The following PRAMEF19 variants were observed in gnomAD, a reference collection of about 807,000 sequenced individuals.
PRAMEF19 encodes the protein PRAME family member 19, also known as PRAME family member-like.
Under a neutral mutation model 33.1 loss-of-function variants are expected in PRAMEF19, and 21 were observed. That is an observed-to-expected ratio of 0.63 (90% CI 0.45 to 0.91). The LOEUF is 0.91. Ranked by LOEUF, PRAMEF19 falls within the 40% of genes least tolerant of loss-of-function variation. PRAMEF19 has a pLI of 0.00. For missense variants in PRAMEF19, 481 were observed against 585.2 expected (o/e 0.82, Z 1.84); for synonymous variants, 179 against 229.3 (o/e 0.78, Z 1.98).
exon 3 of PRAMEF19, chr1:13,369,443 A>G (rs1233042718): frequency 8.7e-5 from 140 of 1,613,716 alleles, no homozygotes; most frequent in Non-Finnish European, 1.1e-4. Context: ...GTCCACTAAG[A>G]AGAGGGTCTG....
At chr1:13,371,546 T>C in intron 1 of PRAMEF19, 68 bp downstream of exon 1, 9 of 1,608,380 alleles carry the variant, frequency 5.6e-6, no homozygotes, top group Non-Finnish European at 7.6e-6. Flanking sequence ...CACCCCAGGT[T>C]CCCAATTTGT....
At chr1:13,370,738 G>A in exon 2 of PRAMEF19, 2 of 1,613,938 alleles carry the variant, frequency 1.2e-6, no homozygotes, top group Admixed American at 1.7e-5. Flanking sequence ...ACACAGAGCT[G>A]AATTCAGCAA....
intron 2 of PRAMEF19, among the ~76,000 whole-genome samples, chr1:13,370,440 G>A (rs2884674): frequency 1.4e-5 from 2 of 141,938 alleles, no homozygotes; most frequent in African/African-American, 5.3e-5. Flanking sequence ...TCTCTGTAGC[G>A]TCTATGCCAG....
downstream of PRAMEF19, among the ~76,000 whole-genome samples, chr1:13,368,434 A>C (rs1640626381): frequency 6.6e-6 from 1 of 152,160 alleles, no homozygotes; most frequent in African/African-American, 2.4e-5. Flanking sequence ...ACAACAACAA[A>C]ATGAAGTTTA....
At chr1:13,369,041 A>G (rs1421356121), downstream of PRAMEF19, 12 of 1,611,942 alleles carry the variant, frequency 7.4e-6, no homozygotes, top group African/African-American at 1.6e-4. Context: ...GTGCCTGGAG[A>G]AAAAGCTTTT....
chr1:13,369,555 T>C (rs764874887), exon 3 of PRAMEF19: 16 of 1,613,932 alleles, frequency 9.9e-6, no homozygotes, highest in Non-Finnish European at 1.4e-5. Context: ...TGACTGAGAC[T>C]TGGGTACCAG....
intron 1 of PRAMEF19, 37 bp from the exon 2 acceptor site, chr1:13,371,264 C>A: frequency 1.2e-6 from 2 of 1,611,928 alleles, no homozygotes; most frequent in Non-Finnish European, 1.7e-6. Flanking sequence ...AGAACGTAGA[C>A]AAGGACCCAC....
chr1:13,371,511 C>G lies in PRAMEF19; in HGVS notation c.287+103G>C, dbSNP rs1318355664. 63 of 1,558,356 alleles carry G rather than the reference C, an allele frequency of 4.0e-5. 1 individual carries two copies. The highest frequency in any genetic ancestry group is 4.7e-4 in the Middle Eastern group (2 of 4,252). On this transcript the variant is annotated intron_variant, in intron 1 of 2. Coordinates refer to ENST00000376101, the Ensembl canonical transcript of PRAMEF19. ...GCCAAGAACGTTCCCAGCTTTCTCA[C>G]TGGCACCATCAGAAGCCCCTGGGCC...
rs1168403845 is a variant in PRAMEF19 at position 13,371,753 on chromosome 1, C to T, written c.148G>A (p.Glu50Lys). The T allele has an allele frequency of 4.9e-4, 785 of 1,610,042 alleles. 6 individuals carry two copies. Among genetic ancestry groups the T allele is most frequent in the Non-Finnish European group, 9.2e-5 (108 of 1,179,346 alleles). The stretch of plus-strand genomic sequence containing the variant: ...GCCTGCACCATCACCTTCAGAACCT[C>T]GCAGCATCTGCTAGTGAAGGCCTCC... Residue 50 changes from glutamate to lysine, a missense_variant, in exon 1 of 3, where the codon GAG becomes AAG. Around this residue, in one of 3 missense-constraint regions of PRAMEF19, gnomAD observed 77 missense variants for 116.4 expected, o/e 0.66. Coordinates refer to ENST00000376101, the Ensembl canonical transcript of PRAMEF19.
exon 2 of PRAMEF19, chr1:13,371,070 C>A: frequency 6.2e-7 from 1 of 1,612,140 alleles, no homozygotes. Flanking sequence ...TCCATGAACA[C>A]CTTCAAGGGC....
intron 2 of PRAMEF19, among the ~76,000 whole-genome samples, chr1:13,370,211 G>C (rs1346252198): frequency 6.6e-6 from 1 of 152,270 alleles, no homozygotes; most frequent in African/African-American, 2.4e-5. Context: ...TCTGTGAAAC[G>C]CACAGGTTTG....
At chr1:13,370,923 T>G in exon 2 of PRAMEF19, 1 of 1,613,908 alleles carries the variant, frequency 6.2e-7, no homozygotes, top group Non-Finnish European at 8.5e-7. Context: ...GTTTCTAATA[T>G]GTTTCTGAAA....
chr1:13,370,953 A>G (rs1640664225), exon 2 of PRAMEF19: 1 of 1,613,088 alleles, frequency 6.2e-7, no homozygotes. Context: ...TTCATTGAAT[A>G]ATTTACCACC....
At chr1:13,369,270 G>A in exon 3 of PRAMEF19, 1 of 1,612,050 alleles carries the variant, frequency 6.2e-7, no homozygotes, top group Non-Finnish European at 8.5e-7. Context: ...CGAGGGGCAG[G>A]ATATGTTTCC....
intron 2 of PRAMEF19, 64 bp from the exon 3 acceptor site, chr1:13,369,704 ACGTCAAGGGAAGAG>A (rs1640648577): frequency 6.2e-7 from 1 of 1,605,024 alleles, no homozygotes; most frequent in African/African-American, 1.3e-5. Context: ...GTAGAAAATA[ACGTCAAGGGAAGAG>A]CCTGTTTTGC....
chr1:13,369,536 T>A, exon 3 of PRAMEF19: 1 of 1,613,952 alleles, frequency 6.2e-7, no homozygotes. Flanking sequence ...CAGATTCAGC[T>A]GCTTCAGTTG....
At chr1:13,371,445 C>T (rs1200536575) in intron 1 of PRAMEF19, among the ~76,000 whole-genome samples, 169 bp downstream of exon 1, 1 of 151,154 alleles carries the variant, frequency 6.6e-6, no homozygotes, top group East Asian at 2.0e-4. Context: ...TCAGTGGACC[C>T]TGTATGGTGA....
chr1:13,368,822 T>C (rs1640631783), downstream of PRAMEF19, among the ~76,000 whole-genome samples: 1 of 152,186 alleles, frequency 6.6e-6, no homozygotes, highest in South Asian at 2.1e-4. Context: ...CCCTTTATAA[T>C]ACACCTATAG....
Position 13,369,641 on chromosome 1 carries a change from C to CT in PRAMEF19, c.867-2dup, listed in dbSNP as rs1640647561. 1 of 1,613,728 alleles carries CT rather than the reference C, an allele frequency of 6.2e-7. No individual in the cohort carries two copies. Among genetic ancestry groups the CT allele is most frequent in the Non-Finnish European group, 8.5e-7 (1 of 1,179,858 alleles). ...TGTCTCCAACGGGCTCTTGAGGCAC[C>CT]TGGGGAGAGCAAGAAGTTAGTACTG... On this transcript the variant is annotated splice_acceptor_variant, in intron 2 of 2. Coordinates refer to ENST00000376101, the Ensembl canonical transcript of PRAMEF19. LOFTEE classifies it high-confidence loss of function.
Sources: gnomAD v4.1 joint callset for allele counts (sites outside exome capture counted in the v4.1 genomes callset) on GRCh38, gnomAD v4.1.1 for gene constraint, gnomAD v4.1.1 regional missense constraint, MANE v1.5 for transcripts, NCBI Gene and HGNC (gene_info 2026-07-23, HGNC 2026-07-21) for gene names.